Variants in ADAMTS6 observed in about 807,000 individuals in gnomAD.
The protein encoded by ADAMTS6 is A disintegrin and metalloproteinase with thrombospondin motifs 6.
ADAMTS6 carries 23 observed loss-of-function variants against 144.3 expected under a neutral mutation model. The ratio of observed to expected loss-of-function variants is 0.16; its 90% CI spans 0.11 to 0.23. The LOEUF (loss-of-function observed/expected upper bound fraction) is 0.23. ADAMTS6 is among the 10% of genes least tolerant of loss of function. The pLI, the probability that ADAMTS6 is intolerant of heterozygous loss-of-function variation, is 1.00. For missense variants in ADAMTS6, 999 were observed against 1,379.6 expected (o/e 0.72, Z 4.37); for synonymous variants, 444 against 457.5 (o/e 0.97, Z 0.38).
chr5:65,365,898 C>A (rs1485199557), intron 7 of ADAMTS6, among the ~76,000 whole-genome samples: 1 of 152,044 alleles, frequency 6.6e-6, no homozygotes, highest in Non-Finnish European at 1.5e-5. Flanking sequence ...CAGCACTTTA[C>A]AGATTTAATA....
At chr5:65,359,257 C>T (rs1263761955) in intron 7 of ADAMTS6, among the ~76,000 whole-genome samples, 3 of 151,922 alleles carry the variant, frequency 2.0e-5, no homozygotes, top group Admixed American at 6.6e-5. Flanking sequence ...ATGATATGAA[C>T]GACATTTCTC....
In ADAMTS6 at chr5:65,302,250, CATTATTATATATTAATATCTAA is replaced by C. The variant is rs1217157337; in HGVS notation, c.1224-2141_1224-2120del. On this transcript the variant is annotated intron_variant, in intron 9 of 24. Transcript: ENST00000381055. Reference sequence around the variant, plus strand: ...TACATATAATTATTATATACATATACATTATTATATATTAATATCTAAATTATATATAAAATATTAATATATA... The same window carrying C: ...TACATATAATTATTATATACATATACATTATATATAAAATATTAATATATA... 3.3e-3 allele frequency among the ~76,000 whole-genome samples: 468 copies of C among 140,574 alleles called. 4 individuals are homozygous for C. Among genetic ancestry groups the C allele is most frequent in the African/African-American group, 0.011 (436 of 38,092 alleles). 92.2% of individuals were successfully genotyped at this position (140,574 alleles called of 152,430 possible).
At chr5:65,456,636 C>T (rs1394590967) in intron 4 of ADAMTS6, among the ~76,000 whole-genome samples, 1 of 152,106 alleles carries the variant, frequency 6.6e-6, no homozygotes, top group East Asian at 1.9e-4. Context: ...ATCCCCAGCA[C>T]CTAGAATAGC....
Position 65,469,667 on chromosome 5 carries a change from T to C in ADAMTS6, c.462+1111A>G, listed in dbSNP as rs1469434156. Among the ~76,000 whole-genome samples the C allele has an allele frequency of 2.0e-5, 3 of 152,214 alleles. No individual in the cohort carries two copies. The East Asian group carries it at 5.8e-4, about 29-fold the overall frequency. On this transcript the variant is annotated intron_variant, in intron 3 of 24. Coordinates refer to ENST00000381055, the MANE Select transcript of ADAMTS6 (RefSeq NM_197941.4). Reference sequence around the variant, plus strand: ...TTTGGTTCATTTTACTTAACAGTGATAGAAAGTAGACAATTGGAGCACATT... The same window carrying C: ...TTTGGTTCATTTTACTTAACAGTGACAGAAAGTAGACAATTGGAGCACATT...
At chr5:65,221,152 GC>G (rs763511017) in intron 18 of ADAMTS6, among the ~76,000 whole-genome samples, 9 of 152,048 alleles carry the variant, frequency 5.9e-5, no homozygotes, top group Non-Finnish European at 1.0e-4. Context: ...ATTTCATGAA[GC>G]CAGGCTTAAC....
chr5:65,344,830 T>C (rs1295264915), intron 7 of ADAMTS6, among the ~76,000 whole-genome samples: 1 of 151,846 alleles, frequency 6.6e-6, no homozygotes, highest in Non-Finnish European at 1.5e-5. Context: ...CATCTGACTA[T>C]GCTATTCATG....
chr5:65,464,369 A>G (rs1329743170), intron 3 of ADAMTS6, among the ~76,000 whole-genome samples: 1 of 152,152 alleles, frequency 6.6e-6, no homozygotes, highest in Non-Finnish European at 1.5e-5. Flanking sequence ...TGGCTCTAAT[A>G]ACTACCACAA....
chr5:65,338,603 G>C (rs1342479814), intron 7 of ADAMTS6, among the ~76,000 whole-genome samples: 1 of 152,118 alleles, frequency 6.6e-6, no homozygotes, highest in African/African-American at 2.4e-5. Context: ...TCCCAAGCCT[G>C]AGAAGCAGCC....
intron 3 of ADAMTS6, among the ~76,000 whole-genome samples, chr5:65,460,783 T>A (rs1421694165): frequency 6.6e-6 from 1 of 152,142 alleles, no homozygotes; most frequent in Non-Finnish European, 1.5e-5. Context: ...AGTGGAATCT[T>A]CTACTCTCTT....
intron 3 of ADAMTS6, among the ~76,000 whole-genome samples, chr5:65,470,189 A>G (rs1760326174): frequency 6.6e-6 from 1 of 152,042 alleles, no homozygotes; most frequent in African/African-American, 2.4e-5. Flanking sequence ...CTCCTAAAAC[A>G]CTGGGATTAC....
chr5:65,439,303 G>C (rs1029143683), intron 7 of ADAMTS6, among the ~76,000 whole-genome samples: 1 of 152,062 alleles, frequency 6.6e-6, no homozygotes, highest in Non-Finnish European at 1.5e-5. Flanking sequence ...CAGTCTCGAG[G>C]TAACTTGCCA....
chr5:65,266,364 A>G (rs147402307), intron 12 of ADAMTS6, among the ~76,000 whole-genome samples: 3 of 152,092 alleles, frequency 2.0e-5, no homozygotes, highest in Non-Finnish European at 2.9e-5. Context: ...TGCTTTGGTT[A>G]TATCTATTCC....
intron 12 of ADAMTS6, among the ~76,000 whole-genome samples, chr5:65,263,951 G>T (rs1331764307): frequency 6.6e-6 from 1 of 152,074 alleles, no homozygotes; most frequent in Non-Finnish European, 1.5e-5. Flanking sequence ...AATGAAAAGG[G>T]ATCATGATGT....
chr5:65,306,481 C>T (rs1040027995), intron 9 of ADAMTS6, among the ~76,000 whole-genome samples: 7 of 152,150 alleles, frequency 4.6e-5, no homozygotes, highest in East Asian at 1.9e-4. Context: ...TTTTTTAAGG[C>T]AAATGAGGTG....
rs1757554534 is a variant in ADAMTS6 at position 65,224,302 on chromosome 5, C to T, written c.2272+18G>A. On this transcript the variant is annotated intron_variant, in intron 18 of 24. Transcript: ENST00000381055. Reference sequence around the variant, plus strand: ...TTACTTTTAAAATCCAGCAAACTAGCATACCAGTCTAACATACCAATATAG... The same window carrying T: ...TTACTTTTAAAATCCAGCAAACTAGTATACCAGTCTAACATACCAATATAG... 1 of 1,606,288 alleles carries T rather than the reference C, an allele frequency of 6.2e-7. No individual in the cohort carries two copies. The highest frequency in any genetic ancestry group is 1.3e-5 in the African/African-American group (1 of 74,782).
intron 9 of ADAMTS6, among the ~76,000 whole-genome samples, chr5:65,302,285 A>G (rs1321235771): frequency 1.5e-4 from 21 of 144,552 alleles, no homozygotes; most frequent in African/African-American, 5.0e-4. Flanking sequence ...TATATATAAA[A>G]TATTAATATA....
intron 12 of ADAMTS6, among the ~76,000 whole-genome samples, chr5:65,267,180 T>C (rs555135078): frequency 6.6e-6 from 1 of 152,020 alleles, no homozygotes; most frequent in East Asian, 1.9e-4. Flanking sequence ...TACAGAGAGA[T>C]AGAATTTTAC....
intron 7 of ADAMTS6, among the ~76,000 whole-genome samples, chr5:65,335,875 T>A (rs559515584): frequency 6.6e-6 from 1 of 151,814 alleles, no homozygotes; most frequent in Non-Finnish European, 1.5e-5. Context: ...TGAATACACA[T>A]AGAAAACTAG....
At chr5:65,231,231 A>G (rs1758219419) in intron 15 of ADAMTS6, among the ~76,000 whole-genome samples, 1 of 151,966 alleles carries the variant, frequency 6.6e-6, no homozygotes, top group Non-Finnish European at 1.5e-5. Context: ...GAGCTGGGAG[A>G]GCTATACTTA....
Sources: gnomAD v4.1 joint callset for allele counts (sites outside exome capture counted in the v4.1 genomes callset) on GRCh38, gnomAD v4.1.1 for gene constraint, MANE v1.5 for transcripts, NCBI Gene and HGNC (gene_info 2026-07-23, HGNC 2026-07-21) for gene names.